Variants in SLC30A7 observed in about 807,000 individuals in gnomAD.
SLC30A7 encodes the protein zinc transporter 7.
A neutral mutation model predicts 46.0 loss-of-function variants in SLC30A7; 35 were observed. The ratio of observed to expected loss-of-function variants is 0.76; its 90% CI spans 0.58 to 1.01. The LOEUF (loss-of-function observed/expected upper bound fraction) is 1.01. Among genes scored for constraint, SLC30A7 ranks in the 50% least tolerant of loss-of-function variants. The pLI is 0.00. For synonymous variants in SLC30A7, 147 were observed against 157.8 expected, an observed-to-expected ratio of 0.93 and a Z score of 0.51; for missense variants, 464 against 451.1, an observed-to-expected ratio of 1.03 and a Z score of -0.26.
At chr1:100,988,617 G>A in the SLC30A7 span, among the ~76,000 whole-genome samples, 2 of 152,108 alleles carry the variant, frequency 1.3e-5, no homozygotes, top group East Asian at 1.9e-4. Context: ...AGGCCAAGGT[G>A]GGTGGATCAC....
At chr1:100,925,698 C>T (rs1318071615) in intron 8 of SLC30A7, among the ~76,000 whole-genome samples, 1 of 152,040 alleles carries the variant, frequency 6.6e-6, no homozygotes, top group African/African-American at 2.4e-5. Flanking sequence ...AGAGAGGGGA[C>T]TGGGAGAAAG....
rs1656672127 is a variant in SLC30A7, at chr1:100,978,132, T to C, written c.*3275T>C. 6.6e-6 allele frequency: 1 copy of C among 152,248 alleles called. No individual in the cohort carries two copies. Among genetic ancestry groups the C allele is most frequent in the African/African-American group, 2.4e-5 (1 of 41,464 alleles). The allele number at this position is 152,248 out of a possible 1,614,324, so 9.4% of individuals were successfully genotyped here. On this transcript the variant is annotated 3_prime_UTR_variant, in exon 11 of 11. Coordinates refer to ENST00000357650, the MANE Select transcript of SLC30A7 (RefSeq NM_133496.5). ...CATATCCACAGCTTCCTCAGTTTGC[T>C]AACTCCCCATGCATCTTTGTGAAGG...
intron 3 of SLC30A7, among the ~76,000 whole-genome samples, chr1:100,909,446 A>G (rs1438833872): frequency 6.6e-6 from 1 of 152,170 alleles, no homozygotes; most frequent in Non-Finnish European, 1.5e-5. Context: ...ATGCGTATAT[A>G]CATATGTACC....
At chr1:100,924,320 T>A (rs543175350) in intron 8 of SLC30A7, among the ~76,000 whole-genome samples, 45 of 152,178 alleles carry the variant, frequency 3.0e-4, no homozygotes, top group Non-Finnish European at 5.4e-4. Flanking sequence ...TCCCTGAGTA[T>A]GTTATCAGCT....
At chr1:100,924,386 A>G (rs1344507353) in intron 8 of SLC30A7, among the ~76,000 whole-genome samples, 1 of 151,884 alleles carries the variant, frequency 6.6e-6, no homozygotes. Flanking sequence ...CTTATACTTC[A>G]TGTCTTTCTT....
chr1:100,934,165 A>G (rs968473959), intron 8 of SLC30A7, among the ~76,000 whole-genome samples: 2 of 152,074 alleles, frequency 1.3e-5, no homozygotes, highest in Admixed American at 1.3e-4. Context: ...AAGTTTCTGG[A>G]CCCCTCTGTT....
At chr1:100,973,611 C>T (rs748704968) in intron 10 of SLC30A7, among the ~76,000 whole-genome samples, 12 of 151,972 alleles carry the variant, frequency 7.9e-5, no homozygotes, top group Non-Finnish European at 1.5e-4. Flanking sequence ...TATAATACAT[C>T]GCAAGGTGAT....
intron 8 of SLC30A7, among the ~76,000 whole-genome samples, chr1:100,927,826 T>C (rs1653404201): frequency 6.6e-6 from 1 of 152,098 alleles, no homozygotes; most frequent in Non-Finnish European, 1.5e-5. Context: ...AGTGGTCTAA[T>C]CCACTTAGTG....
chr1:100,911,826 A>G, intron 4 of SLC30A7, among the ~76,000 whole-genome samples: 1 of 152,174 alleles, frequency 6.6e-6, no homozygotes, highest in East Asian at 1.9e-4. Flanking sequence ...TGCTGAGATT[A>G]CAAGTGTGAG....
chr1:100,919,921 G>C (rs992542579), intron 7 of SLC30A7, among the ~76,000 whole-genome samples: 1 of 151,978 alleles, frequency 6.6e-6, no homozygotes, highest in African/African-American at 2.4e-5. Context: ...TAAGGTTTTG[G>C]GGGGTTAGGT....
chr1:100,991,787 T>TAAAAAAAAAAAA, the SLC30A7 span, among the ~76,000 whole-genome samples: 1 of 74,568 alleles, frequency 1.3e-5, no homozygotes, highest in African/African-American at 6.3e-5. Context: ...AGACCCCATC[T>TAAAAAAAAAAAA]CAAAAAAAAA....
chr1:100,984,460 G>T (rs532214248), downstream of SLC30A7, among the ~76,000 whole-genome samples: 30 of 152,230 alleles, frequency 2.0e-4, no homozygotes, highest in African/African-American at 7.0e-4. Flanking sequence ...AATCACTAAT[G>T]CTTGGATCTG....
intron 5 of SLC30A7, 87 bp downstream of exon 5, chr1:100,912,325 C>A: frequency 7.2e-7 from 1 of 1,394,692 alleles, no homozygotes; most frequent in Non-Finnish European, 9.9e-7. Context: ...TTAAACTATA[C>A]TGATTTCTGA....
intron 8 of SLC30A7, among the ~76,000 whole-genome samples, chr1:100,939,481 A>T (rs530983143): frequency 6.6e-6 from 1 of 152,248 alleles, no homozygotes; most frequent in South Asian, 2.1e-4. Context: ...AGGAATTTAA[A>T]CCCTTTAAAA....
intron 2 of SLC30A7, among the ~76,000 whole-genome samples, chr1:100,903,420 G>A (rs1261006468): frequency 2.0e-5 from 3 of 152,078 alleles, no homozygotes; most frequent in Non-Finnish European, 4.4e-5. Flanking sequence ...TATGGTTCAA[G>A]TGTGTAATTT....
intron 5 of SLC30A7, among the ~76,000 whole-genome samples, chr1:100,913,236 G>A (rs1473026229): frequency 6.6e-6 from 1 of 152,112 alleles, no homozygotes; most frequent in East Asian, 1.9e-4. Context: ...CATATGTCTT[G>A]TTAATCTTTG....
chr1:100,897,019 CCT>C (rs1651013538), intron 2 of SLC30A7, among the ~76,000 whole-genome samples: 1 of 151,754 alleles, frequency 6.6e-6, no homozygotes, highest in Non-Finnish European at 1.5e-5. Context: ...TTGTTTGCTG[CCT>C]CTCTCGGGGG....
chr1:100,916,616 C>T (rs1033509282), intron 6 of SLC30A7, among the ~76,000 whole-genome samples: 64 of 151,874 alleles, frequency 4.2e-4, no homozygotes, highest in Non-Finnish European at 4.4e-5. Context: ...AATCCAGTTA[C>T]ACTCTTTTAG....
In SLC30A7 at chr1:100,901,778, C is replaced by T. The variant is rs564467316; in HGVS notation, c.183-5074C>T. On this transcript the variant is annotated intron_variant, in intron 2 of 10. Coordinates refer to ENST00000357650, the MANE Select transcript of SLC30A7 (RefSeq NM_133496.5). ...TGTTAAAATGTCTTTAGAAGGTAGT[C>T]ATTTAAAAGAGTTTACAAATACATT... Among the ~76,000 whole-genome samples the T allele has an allele frequency of 7.2e-5, 11 of 152,234 alleles. No individual in the cohort carries two copies. In the South Asian group the frequency reaches 8.3e-4, roughly 11 times the overall value.
Sources: allele counts gnomAD v4.1 joint callset (sites outside exome capture counted in the v4.1 genomes callset), GRCh38; gene constraint gnomAD v4.1.1; transcripts MANE v1.5; gene names NCBI Gene and HGNC (gene_info 2026-07-23, HGNC 2026-07-21).